Variants in NFXL1 observed in about 807,000 individuals in gnomAD.
The protein encoded by NFXL1 is NF-X1-type zinc finger protein NFXL1.
Under a neutral mutation model 123.3 loss-of-function variants are expected in NFXL1, and 66 were observed. The observed-to-expected ratio is 0.54, with a 90% CI of 0.44 to 0.66. The LOEUF (loss-of-function observed/expected upper bound fraction) is 0.66, where lower values mean the gene tolerates loss of function less well. Among genes scored for constraint, NFXL1 ranks in the 30% least tolerant of loss-of-function variants. NFXL1 has a pLI of 0.00. For missense variants in NFXL1, 944 were observed against 1,125.6 expected, an observed-to-expected ratio of 0.84 and a Z score of 2.31; for synonymous variants, 346 against 360.8, an observed-to-expected ratio of 0.96 and a Z score of 0.46.
chr4:47,903,830 C>CT (rs1737450415), intron 4 of NFXL1, among the ~76,000 whole-genome samples: 1 of 152,030 alleles, frequency 6.6e-6, no homozygotes, highest in South Asian at 2.1e-4. Flanking sequence ...ACCTATTAGT[C>CT]TAACACCTAA....
At chr4:47,872,779 G>A (rs1735531959) in intron 18 of NFXL1, among the ~76,000 whole-genome samples, 1 of 152,166 alleles carries the variant, frequency 6.6e-6, no homozygotes, top group Non-Finnish European at 1.5e-5. Context: ...TTGCCTAGAT[G>A]TTTATGGCTG....
intron 18 of NFXL1, among the ~76,000 whole-genome samples, chr4:47,869,387 C>T (rs1735295501): frequency 6.6e-6 from 1 of 152,158 alleles, no homozygotes; most frequent in South Asian, 2.1e-4. Flanking sequence ...GCACATGGAA[C>T]ATTCACAAAA....
At chr4:47,879,998 T>C (rs146086820) in intron 15 of NFXL1, among the ~76,000 whole-genome samples, 1 of 152,160 alleles carries the variant, frequency 6.6e-6, no homozygotes. Flanking sequence ...GGTTTAATTA[T>C]GACTTTTAGA....
At chr4:47,879,012 A>T in intron 16 of NFXL1, 84 bp downstream of exon 16, 1 of 804,120 alleles carries the variant, frequency 1.2e-6, no homozygotes, top group Non-Finnish European at 2.0e-6. Flanking sequence ...TGACTTTGTT[A>T]TTTCTAACAA....
At chr4:47,894,939 TA>T (rs1167444568) in intron 10 of NFXL1, among the ~76,000 whole-genome samples, 1 of 152,182 alleles carries the variant, frequency 6.6e-6, no homozygotes, top group African/African-American at 2.4e-5. Flanking sequence ...ATGTATTTCT[TA>T]AAAAATAGAA....
chr4:47,894,157 GT>G, intron 11 of NFXL1, 22 bp downstream of exon 11: 3 of 1,562,128 alleles, frequency 1.9e-6, no homozygotes, highest in South Asian at 2.4e-5. Context: ...TAAATCAGAG[GT>G]TTCCAAGGTT....
chr4:47,897,067 T>C (rs978207686), intron 9 of NFXL1, among the ~76,000 whole-genome samples: 1 of 152,152 alleles, frequency 6.6e-6, no homozygotes, highest in Non-Finnish European at 1.5e-5. Flanking sequence ...CTCAGCACTT[T>C]GGGAGGCCGA....
chr4:47,875,644 G>C (rs1046543239), intron 17 of NFXL1, among the ~76,000 whole-genome samples: 2 of 152,006 alleles, frequency 1.3e-5, no homozygotes, highest in African/African-American at 4.8e-5. Context: ...AATATACAGA[G>C]TAAGAATGTT....
intron 22 of NFXL1, among the ~76,000 whole-genome samples, chr4:47,850,380 G>A (rs988952985): frequency 3.3e-5 from 5 of 151,984 alleles, no homozygotes; most frequent in African/African-American, 7.2e-5. Flanking sequence ...TGCAAATCAC[G>A]CAAGTTTCAA....
chr4:47,877,685 C>A (rs1735837497), intron 17 of NFXL1, among the ~76,000 whole-genome samples: 1 of 151,528 alleles, frequency 6.6e-6, no homozygotes, highest in African/African-American at 2.4e-5. Context: ...CACATGTTTG[C>A]ACATGAAAAA....
intron 5 of NFXL1, among the ~76,000 whole-genome samples, chr4:47,900,365 A>C (rs1380295566): frequency 6.6e-6 from 1 of 152,150 alleles, no homozygotes; most frequent in Admixed American, 6.5e-5. Flanking sequence ...GCACGCCACC[A>C]CGTCCAGCTA....
chr4:47,910,953 T>C lies in NFXL1; in HGVS notation c.277A>G (p.Asn93Asp). Reference sequence around the variant, plus strand: ...ACAAGTTTTCTGGCTGCAGCTTGGTTAGCTTTCTTGATTTCTTCAAATTTT... The same window carrying C: ...ACAAGTTTTCTGGCTGCAGCTTGGTCAGCTTTCTTGATTTCTTCAAATTTT... ...QKKFEEIKKA[N>D]QAAARKLVEE... is the part of the protein sequence containing the mutation. Residue 93 changes from asparagine (N) to aspartate (D), a missense_variant, in exon 3 of 23, where the codon AAC (asparagine) becomes GAC (aspartate). Asn to Asp is a conservative substitution (Grantham distance 23). This residue lies in a region of NFXL1 where 303 missense variants were observed against 292.1 expected (regional missense o/e 1.04). Transcript: ENST00000507489. The C allele has an allele frequency of 6.2e-7, 1 of 1,608,350 alleles. No homozygotes were observed. Among genetic ancestry groups the C allele is most frequent in the Non-Finnish European group, 8.5e-7 (1 of 1,177,946 alleles).
rs1170265504 is a variant in NFXL1, at chr4:47,847,297, T to C, written c.*866A>G. Reference sequence around the variant, plus strand: ...TCATATAAATTAAATAGCAAAACTATTTGAAAGGAATTATAATTCAAACAG... The same window carrying C: ...TCATATAAATTAAATAGCAAAACTACTTGAAAGGAATTATAATTCAAACAG... On this transcript the variant is annotated 3_prime_UTR_variant, in exon 23 of 23. Transcript: ENST00000507489. The C allele has an allele frequency of 6.6e-6, 1 of 152,158 alleles. No homozygotes were observed. The highest frequency in any genetic ancestry group is 1.5e-5 in the Non-Finnish European group (1 of 68,020). The allele number at this position is 152,158 out of a possible 1,614,324, so 9.4% of individuals were successfully genotyped here. A position where few individuals can be genotyped will look rare whatever the true frequency, so the allele number is the denominator to read the frequency against.
At chr4:47,859,738 C>G (rs983406750) in intron 19 of NFXL1, among the ~76,000 whole-genome samples, 1 of 148,020 alleles carries the variant, frequency 6.8e-6, no homozygotes, top group Non-Finnish European at 1.5e-5. Flanking sequence ...GCTACTCAGG[C>G]AGCTGAGGCA....
intron 9 of NFXL1, 36 bp from the exon 10 acceptor site, chr4:47,896,683 A>T: frequency 6.2e-6 from 9 of 1,444,624 alleles, no homozygotes; most frequent in Non-Finnish European, 8.7e-6. Context: ...TAATAATGAG[A>T]CATTATTATT....
intron 3 of NFXL1, among the ~76,000 whole-genome samples, chr4:47,908,826 G>C (rs946243606): frequency 1.3e-5 from 2 of 151,758 alleles, no homozygotes; most frequent in Non-Finnish European, 2.9e-5. Context: ...ATGGTGGCGG[G>C]CACCTGTAGT....
chr4:47,891,299 A>G (rs1472959404), intron 11 of NFXL1, among the ~76,000 whole-genome samples: 2 of 151,958 alleles, frequency 1.3e-5, no homozygotes, highest in African/African-American at 4.8e-5. Flanking sequence ...TTTGGTAGAG[A>G]TGGAGTTTTG....
intron 22 of NFXL1, among the ~76,000 whole-genome samples, chr4:47,849,050 G>A (rs1577977124): frequency 6.6e-6 from 1 of 152,244 alleles, no homozygotes; most frequent in East Asian, 1.9e-4. Flanking sequence ...GATGCCTAGT[G>A]AGAATGAAGA....
intron 6 of NFXL1, 46 bp downstream of exon 6, chr4:47,899,324 A>G (rs1319339220): frequency 4.7e-6 from 7 of 1,502,680 alleles, no homozygotes; most frequent in Non-Finnish European, 5.4e-6. Context: ...CAATATAAGA[A>G]GAAATAATCA....
Sources: allele counts gnomAD v4.1 joint callset (sites outside exome capture counted in the v4.1 genomes callset), GRCh38; gene constraint gnomAD v4.1.1; regional missense constraint gnomAD v4.1.1; transcripts MANE v1.5; gene names NCBI Gene and HGNC (gene_info 2026-07-23, HGNC 2026-07-21).